Variants in SV2C observed in about 807,000 individuals in gnomAD.
SV2C encodes solute carrier family 22 member B3.
Under a neutral mutation model 79.7 loss-of-function variants are expected in SV2C, and 49 were observed. The observed-to-expected ratio is 0.61, with a 90% CI of 0.49 to 0.78. SV2C has a LOEUF of 0.78. Among genes scored for constraint, SV2C ranks in the 30% least tolerant of loss-of-function variants. The pLI is 0.00. For synonymous variants in SV2C, 334 were observed against 333.2 expected (o/e 1.00, Z -0.03); for missense variants, 833 against 912.9 (o/e 0.91, Z 1.13).
chr5:75,960,027 C>G, the SV2C span, among the ~76,000 whole-genome samples: 1 of 151,904 alleles, frequency 6.6e-6, no homozygotes, highest in South Asian at 2.1e-4. Context: ...ATAAAACTTT[C>G]TTAAGAGTGG....
In SV2C at chr5:76,328,904, A is replaced by G. The variant is rs1296221232; in HGVS notation, c.*3357A>G. 6.6e-6 allele frequency: 1 copy of G among 152,102 alleles called. No individual in the cohort carries two copies. The highest frequency in any genetic ancestry group is 1.5e-5 in the Non-Finnish European group (1 of 68,120). 9.4% of individuals were successfully genotyped at this position (152,102 alleles called of 1,614,324 possible). A position where few individuals can be genotyped will look rare whatever the true frequency, so the allele number is the denominator to read the frequency against. On this transcript the variant is annotated 3_prime_UTR_variant, in exon 13 of 13. Coordinates refer to ENST00000502798, the MANE Select transcript of SV2C (RefSeq NM_014979.4). The stretch of plus-strand genomic sequence containing the variant: ...CTCAGCCTCCCAAGTAGCTGGGACC[A>G]CACGCATGCGCCACCACGCCCAGCT...
the SV2C span, among the ~76,000 whole-genome samples, chr5:75,925,226 G>T: frequency 2.6e-5 from 4 of 152,070 alleles, no homozygotes; most frequent in Non-Finnish European, 5.9e-5. Context: ...GGGCAGTAAG[G>T]CCGGACTTCT....
chr5:76,051,486 T>C, the SV2C span, among the ~76,000 whole-genome samples: 8 of 152,326 alleles, frequency 5.3e-5, no homozygotes, highest in Admixed American at 2.0e-4. Flanking sequence ...CAGTGTTATG[T>C]AGACAGTGAA....
chr5:76,126,417 G>A (rs1561226907), intron 1 of SV2C, among the ~76,000 whole-genome samples: 1 of 152,120 alleles, frequency 6.6e-6, no homozygotes, highest in Non-Finnish European at 1.5e-5. Flanking sequence ...TGATGGGTCA[G>A]TTTCCATTTC....
the SV2C span, among the ~76,000 whole-genome samples, chr5:75,999,498 A>G: frequency 6.6e-6 from 1 of 152,018 alleles, no homozygotes; most frequent in Non-Finnish European, 1.5e-5. Flanking sequence ...AGGAAAGCCC[A>G]TGGTGTAATT....
chr5:75,877,676 C>T, the SV2C span, among the ~76,000 whole-genome samples: 1 of 151,150 alleles, frequency 6.6e-6, no homozygotes. Flanking sequence ...TCCAGTGCAT[C>T]CAAGATGAAT....
chr5:76,194,850 T>C lies in SV2C; in HGVS notation c.581-69T>C. ...TGCTGGAATGTATTTTGTTCCTTGTTCACTTGCTGTTACATGTGTCATTGA... is the reference window on the plus strand; with the variant it reads ...TGCTGGAATGTATTTTGTTCCTTGTCCACTTGCTGTTACATGTGTCATTGA... On this transcript the variant is annotated intron_variant, in intron 2 of 12. Coordinates refer to ENST00000502798, the MANE Select transcript of SV2C (RefSeq NM_014979.4). 3 of 1,549,530 alleles carry C rather than the reference T, an allele frequency of 1.9e-6. No individual in the cohort carries two copies. In the East Asian group the frequency reaches 6.8e-5, roughly 35 times the overall value.
chr5:76,122,093 G>T (rs888603414), intron 1 of SV2C, among the ~76,000 whole-genome samples: 15 of 151,542 alleles, frequency 9.9e-5, no homozygotes, highest in Non-Finnish European at 5.9e-5. Context: ...CACATCCCTT[G>T]TAAGTTGGAT....
At chr5:76,151,564 G>A (rs912741517) in intron 2 of SV2C, among the ~76,000 whole-genome samples, 16 of 152,164 alleles carry the variant, frequency 1.1e-4, no homozygotes, top group Non-Finnish European at 1.5e-4. Flanking sequence ...GGGAGAAGGT[G>A]TTTATGGGCA....
chr5:76,227,599 A>G (rs746770218), intron 4 of SV2C, among the ~76,000 whole-genome samples: 8 of 152,218 alleles, frequency 5.3e-5, no homozygotes, highest in Non-Finnish European at 1.0e-4. Context: ...CTGAAGTCTT[A>G]GTTATCTTTA....
At chr5:76,011,595 T>G in the SV2C span, among the ~76,000 whole-genome samples, 1 of 152,124 alleles carries the variant, frequency 6.6e-6, no homozygotes, top group Non-Finnish European at 1.5e-5. Flanking sequence ...ACCTATACTT[T>G]TCCTGTTTTT....
At chr5:76,007,239 T>C in the SV2C span, among the ~76,000 whole-genome samples, 1 of 151,300 alleles carries the variant, frequency 6.6e-6, no homozygotes, top group Non-Finnish European at 1.5e-5. Context: ...ATGCCTCCCT[T>C]CCCCTAGCCT....
At chr5:75,902,511 A>T in the SV2C span, among the ~76,000 whole-genome samples, 2 of 152,168 alleles carry the variant, frequency 1.3e-5, no homozygotes. Context: ...GAACCTTTGG[A>T]TTTGGCCATT....
the SV2C span, among the ~76,000 whole-genome samples, chr5:75,870,212 C>T: frequency 1.2e-4 from 18 of 151,876 alleles, no homozygotes; most frequent in Admixed American, 5.9e-4. Flanking sequence ...ACTTTTCAGA[C>T]GGGAAATTCA....
chr5:76,096,678 A>T (rs1381184912), intron 1 of SV2C, among the ~76,000 whole-genome samples: 1 of 152,178 alleles, frequency 6.6e-6, no homozygotes, highest in Non-Finnish European at 1.5e-5. Flanking sequence ...GTGCCCAGAT[A>T]TTTGGTTAAA....
the SV2C span, among the ~76,000 whole-genome samples, chr5:76,036,752 T>C: frequency 6.6e-6 from 1 of 152,180 alleles, no homozygotes; most frequent in African/African-American, 2.4e-5. Context: ...GGAGTATCTT[T>C]GTGGCATTCT....
At chr5:75,969,711 C>T in the SV2C span, among the ~76,000 whole-genome samples, 39 of 152,222 alleles carry the variant, frequency 2.6e-4, no homozygotes, top group Non-Finnish European at 4.4e-4. Context: ...TAGACTCCCA[C>T]TCAATAATAA....
At chr5:76,223,097 C>T (rs1745119177) in intron 4 of SV2C, among the ~76,000 whole-genome samples, 1 of 152,126 alleles carries the variant, frequency 6.6e-6, no homozygotes, top group Admixed American at 6.6e-5. Context: ...AGGCGATGCT[C>T]TCACAGCCCC....
chr5:76,284,862 A>G (rs2358712), intron 4 of SV2C, among the ~76,000 whole-genome samples: 15,671 of 152,132 alleles, frequency 0.1, 847 homozygotes, highest in Admixed American at 0.14. Flanking sequence ...GATAACTAGC[A>G]CAGTGGTCTA....
Sources: allele counts gnomAD v4.1 joint callset (sites outside exome capture counted in the v4.1 genomes callset), GRCh38; gene constraint gnomAD v4.1.1; transcripts MANE v1.5; gene names NCBI Gene and HGNC (gene_info 2026-07-23, HGNC 2026-07-21).